Variants in FSTL4 observed in about 807,000 individuals in gnomAD.
The protein encoded by FSTL4 is follistatin-related protein 4.
Under a neutral mutation model 78.2 loss-of-function variants are expected in FSTL4, and 28 were observed. The ratio of observed to expected loss-of-function variants is 0.36; its 90% confidence interval spans 0.27 to 0.49. The LOEUF (loss-of-function observed/expected upper bound fraction) is 0.49. Among genes scored for constraint, FSTL4 ranks in the 20% least tolerant of loss-of-function variants. The pLI is 0.98. For missense variants in FSTL4, 922 were observed against 1,084.9 expected (o/e 0.85, Z 2.11); for synonymous variants, 422 against 440.5 (o/e 0.96, Z 0.53).
chr5:133,435,403 C>T (rs1400585963), intron 3 of FSTL4, among the ~76,000 whole-genome samples: 2 of 152,184 alleles, frequency 1.3e-5, no homozygotes, highest in African/African-American at 4.8e-5. Context: ...ATCTGCTTAA[C>T]TTTGCTTACC....
At chr5:133,252,435 G>A (rs75951611) in intron 6 of FSTL4, among the ~76,000 whole-genome samples, 7,295 of 152,140 alleles carry the variant, frequency 0.048, 312 homozygotes, top group African/African-American at 0.11. Context: ...TTGCCCCTCT[G>A]CCTCAGGCTG....
chr5:133,488,727 A>G (rs1205777132), intron 3 of FSTL4, among the ~76,000 whole-genome samples: 2 of 152,232 alleles, frequency 1.3e-5, no homozygotes, highest in Admixed American at 6.5e-5. Flanking sequence ...AAATGAAAAC[A>G]TAGTAGTAAG....
At chr5:133,395,765 C>G (rs1409545621) in intron 4 of FSTL4, among the ~76,000 whole-genome samples, 2 of 152,210 alleles carry the variant, frequency 1.3e-5, no homozygotes, top group African/African-American at 4.8e-5. Context: ...AGCAAACCTT[C>G]CCTTGCTCTT....
chr5:133,696,539 C>CGT, the FSTL4 span, among the ~76,000 whole-genome samples: 1 of 152,236 alleles, frequency 6.6e-6, no homozygotes, highest in Non-Finnish European at 1.5e-5. Flanking sequence ...TTTAATGAGT[C>CGT]GTGTCTCTCT....
intron 3 of FSTL4, among the ~76,000 whole-genome samples, chr5:133,527,019 G>A (rs956614399): frequency 3.3e-5 from 5 of 152,144 alleles, no homozygotes; most frequent in Non-Finnish European, 7.3e-5. Flanking sequence ...CTGTGGATGA[G>A]GATGAATCCT....
At chr5:133,605,993 C>G (rs541762250) in intron 1 of FSTL4, among the ~76,000 whole-genome samples, 6 of 152,160 alleles carry the variant, frequency 3.9e-5, no homozygotes, top group Non-Finnish European at 8.8e-5. Flanking sequence ...CCCCTGCCCC[C>G]CAATGGCTTC....
chr5:133,483,394 C>A (rs1017182384), intron 3 of FSTL4, among the ~76,000 whole-genome samples: 1 of 152,222 alleles, frequency 6.6e-6, no homozygotes, highest in Admixed American at 6.5e-5. Flanking sequence ...AGTGTACATG[C>A]CCCTACATGT....
the FSTL4 span, among the ~76,000 whole-genome samples, chr5:133,838,916 G>A: frequency 3.3e-5 from 5 of 152,212 alleles, no homozygotes; most frequent in Non-Finnish European, 5.9e-5. Flanking sequence ...TGGGCACACA[G>A]CATGGGCGAG....
chr5:133,381,841 C>T (rs910848959), intron 4 of FSTL4, among the ~76,000 whole-genome samples: 3 of 152,240 alleles, frequency 2.0e-5, no homozygotes, highest in African/African-American at 2.4e-5. Context: ...ACTCAGCCCT[C>T]ACTCTAGTTA....
chr5:133,750,211 ACAT>A, the FSTL4 span, among the ~76,000 whole-genome samples: 1 of 152,166 alleles, frequency 6.6e-6, no homozygotes, highest in Non-Finnish European at 1.5e-5. Context: ...GGACCCTAAG[ACAT>A]CATTTTTCTG....
At chr5:133,531,441 G>A (rs1367540720) in intron 3 of FSTL4, among the ~76,000 whole-genome samples, 9 of 152,138 alleles carry the variant, frequency 5.9e-5, no homozygotes, top group African/African-American at 1.7e-4. Context: ...TACTTCTGCC[G>A]TGGAATATCC....
At chr5:133,209,324 G>A (rs902639200) in intron 14 of FSTL4, among the ~76,000 whole-genome samples, 2 of 152,086 alleles carry the variant, frequency 1.3e-5, no homozygotes, top group Non-Finnish European at 2.9e-5. Context: ...CTGCCCTCTT[G>A]CCAGTCTTGG....
chr5:133,289,198 A>G (rs1402099402), intron 6 of FSTL4, among the ~76,000 whole-genome samples: 1 of 152,200 alleles, frequency 6.6e-6, no homozygotes, highest in Non-Finnish European at 1.5e-5. Context: ...TCACAACCCC[A>G]ACTGCCCCGC....
At chr5:133,628,093 C>T in the FSTL4 span, among the ~76,000 whole-genome samples, 1 of 152,124 alleles carries the variant, frequency 6.6e-6, no homozygotes, top group Middle Eastern at 3.2e-3. Context: ...CTACCAGAAT[C>T]TCTGGGACAC....
chr5:133,242,017 C>T (rs551693168), intron 7 of FSTL4, among the ~76,000 whole-genome samples: 7 of 152,290 alleles, frequency 4.6e-5, no homozygotes, highest in African/African-American at 1.4e-4. Flanking sequence ...TTGGAGAGGG[C>T]GTAGACTGGT....
intron 3 of FSTL4, among the ~76,000 whole-genome samples, chr5:133,515,278 G>C (rs965640914): frequency 6.6e-6 from 1 of 152,144 alleles, no homozygotes; most frequent in African/African-American, 2.4e-5. Context: ...TGTAATGCCA[G>C]CACTTTGGGA....
rs59400068 is a variant in FSTL4 at position 133,221,891 on chromosome 5, G to GTTTTTTTTTTTTTTT, written c.1340-1040_1340-1026dup. ...AATATGTAGAAAAATCTCTTTTCTA[G>GTTTTTTTTTTTTTTT]TTTTTTTTTTTTTTTTTTTTTTTTT... is the stretch of plus-strand genomic sequence containing the variant. On this transcript the variant is annotated intron_variant, in intron 11 of 15. Coordinates refer to ENST00000265342, the MANE Select transcript of FSTL4 (RefSeq NM_015082.2). Among the ~76,000 whole-genome samples, 13 of 43,360 alleles carry GTTTTTTTTTTTTTTT rather than the reference G, an allele frequency of 3.0e-4. 4 individuals carry two copies. The highest frequency in any genetic ancestry group is 5.4e-4 in the Non-Finnish European group (9 of 16,686). The allele number at this position is 43,360 out of a possible 152,430, so 28.4% of individuals were successfully genotyped here.
intron 3 of FSTL4, among the ~76,000 whole-genome samples, chr5:133,515,568 C>T (rs2112892320): frequency 6.6e-6 from 1 of 152,022 alleles, no homozygotes; most frequent in Admixed American, 6.6e-5. Flanking sequence ...ACAAAATAAG[C>T]TGCAAGAAGC....
At chr5:133,400,342 C>T (rs2126970782) in intron 4 of FSTL4, among the ~76,000 whole-genome samples, 1 of 152,336 alleles carries the variant, frequency 6.6e-6, no homozygotes, top group South Asian at 2.1e-4. Flanking sequence ...TGCCTGACCA[C>T]ATTCTATGCA....
Sources: gnomAD v4.1 joint callset for allele counts (sites outside exome capture counted in the v4.1 genomes callset) on GRCh38, gnomAD v4.1.1 for gene constraint, MANE v1.5 for transcripts, NCBI Gene and HGNC (gene_info 2026-07-23, HGNC 2026-07-21) for gene names.